The following GSE1 variants were observed in gnomAD, a reference collection of about 807,000 sequenced individuals.
The protein encoded by GSE1 is genetic suppressor element 1.
Under a neutral mutation model 112.6 loss-of-function variants are expected in GSE1, and 32 were observed. The ratio of observed to expected loss-of-function variants is 0.28; its 90% CI spans 0.21 to 0.38. The LOEUF (loss-of-function observed/expected upper bound fraction) is 0.38, where lower values mean the gene tolerates loss of function less well. Among genes scored for constraint, GSE1 ranks in the 10% least tolerant of loss-of-function variants. The probability of loss-of-function intolerance (pLI) is 1.00; values close to 1 mark genes in which losing one functional copy is unlikely to be tolerated. For missense variants in GSE1, 2,348 were observed against 1,699.2 expected (o/e 1.38, Z -6.71); for synonymous variants, 1,115 against 735.6 (o/e 1.52, Z -8.35).
intron 8 of GSE1, among the ~76,000 whole-genome samples, chr16:85,658,280 C>G (rs1399493908): frequency 6.6e-6 from 1 of 152,182 alleles, no homozygotes; most frequent in Non-Finnish European, 1.5e-5. Flanking sequence ...AAGGGCTGAG[C>G]TAAGATCCTC....
At chr16:85,553,272 A>AC (rs574734715), upstream of GSE1, among the ~76,000 whole-genome samples, 174 of 147,796 alleles carry the variant, frequency 1.2e-3, 1 homozygote, top group Middle Eastern at 0.01. Context: ...CCGGACCCCG[A>AC]CCCCGCCGCC....
intron 2 of GSE1, among the ~76,000 whole-genome samples, chr16:85,491,622 G>A (rs1255029806): frequency 6.6e-6 from 1 of 152,132 alleles, no homozygotes; most frequent in Admixed American, 6.5e-5. Flanking sequence ...GGCTCAGGCG[G>A]GGTCATGGCC....
At chr16:85,403,062 T>A (rs536102518) in intron 2 of GSE1, among the ~76,000 whole-genome samples, 2 of 148,610 alleles carry the variant, frequency 1.3e-5, no homozygotes, top group South Asian at 4.4e-4. Flanking sequence ...TGGGGAAGGA[T>A]CTACTCCCAA....
At chr16:85,313,537 T>C (rs1399274845) in intron 1 of GSE1, among the ~76,000 whole-genome samples, 1 of 151,544 alleles carries the variant, frequency 6.6e-6, no homozygotes. Flanking sequence ...ACCCCCCTGA[T>C]CCCCTTCCTG....
chr16:85,669,821 T>A (rs2053181341), intron 14 of GSE1, among the ~76,000 whole-genome samples: 1 of 152,230 alleles, frequency 6.6e-6, no homozygotes, highest in African/African-American at 2.4e-5. Flanking sequence ...CAACCAGTTG[T>A]CCTGGCAATG....
intron 3 of GSE1, among the ~76,000 whole-genome samples, chr16:85,654,069 C>G (rs377272364): frequency 1.3e-5 from 2 of 152,170 alleles, no homozygotes; most frequent in East Asian, 1.9e-4. Context: ...GCACTTCACC[C>G]CAGACCTGTC....
At chr16:85,237,620 C>T (rs1250742126) in intron 1 of GSE1, among the ~76,000 whole-genome samples, 3 of 152,056 alleles carry the variant, frequency 2.0e-5, no homozygotes, top group African/African-American at 7.2e-5. Context: ...GGGCAGATCA[C>T]GCGGTCAGGA....
At chr16:85,287,287 A>G (rs1472396233) in intron 1 of GSE1, among the ~76,000 whole-genome samples, 5 of 152,218 alleles carry the variant, frequency 3.3e-5, no homozygotes, top group Non-Finnish European at 4.4e-5. Context: ...GGGCTGACGC[A>G]TGGGGCCGGA....
chr16:85,333,203 G>C (rs750776787), intron 1 of GSE1, among the ~76,000 whole-genome samples: 2 of 152,192 alleles, frequency 1.3e-5, no homozygotes, highest in African/African-American at 2.4e-5. Context: ...GGTGGCAGGG[G>C]AGCTTCTGTC....
intron 1 of GSE1, among the ~76,000 whole-genome samples, chr16:85,274,046 G>A (rs1174057356): frequency 6.6e-6 from 1 of 151,592 alleles, no homozygotes; most frequent in Non-Finnish European, 1.5e-5. Context: ...GATAGAGGTA[G>A]TGGCTGCACA....
At chr16:85,431,666 C>G (rs1328653036) in intron 2 of GSE1, among the ~76,000 whole-genome samples, 6 of 152,172 alleles carry the variant, frequency 3.9e-5, no homozygotes, top group East Asian at 1.9e-4. Flanking sequence ...GCCTTCCGTC[C>G]TCCTTCGGAG....
At chr16:85,491,631 C>A (rs529456357) in intron 2 of GSE1, among the ~76,000 whole-genome samples, 1 of 152,154 alleles carries the variant, frequency 6.6e-6, no homozygotes, top group African/African-American at 2.4e-5. Flanking sequence ...GGGGTCATGG[C>A]CCGCCTGAGG....
At chr16:85,307,237 C>T (rs1330330843) in intron 1 of GSE1, among the ~76,000 whole-genome samples, 2 of 152,326 alleles carry the variant, frequency 1.3e-5, no homozygotes, top group Admixed American at 6.5e-5. Flanking sequence ...GGCAGGTACA[C>T]TCCGTGTCAG....
chr16:85,295,674 A>G (rs1322012709), intron 1 of GSE1, among the ~76,000 whole-genome samples: 1 of 152,204 alleles, frequency 6.6e-6, no homozygotes, highest in Non-Finnish European at 1.5e-5. Context: ...GGGGCTGTCA[A>G]AGAATTTGTG....
At chr16:85,281,787 T>C (rs1263610205) in intron 1 of GSE1, among the ~76,000 whole-genome samples, 1 of 152,174 alleles carries the variant, frequency 6.6e-6, no homozygotes, top group East Asian at 1.9e-4. Flanking sequence ...TGCACGGGGT[T>C]AGTGTTGCTT....
At chr16:85,333,975 GT>G (rs2046429380) in intron 1 of GSE1, among the ~76,000 whole-genome samples, 2 of 152,188 alleles carry the variant, frequency 1.3e-5, no homozygotes, top group Non-Finnish European at 2.9e-5. Context: ...AGATACTACT[GT>G]GACAACCAAA....
At chr16:85,431,506 G>A (rs562065219) in intron 2 of GSE1, among the ~76,000 whole-genome samples, 4 of 152,348 alleles carry the variant, frequency 2.6e-5, no homozygotes, top group Non-Finnish European at 2.9e-5. Context: ...TGCAGAGCGC[G>A]TCTCTGATCC....
At chr16:85,235,048 T>A (rs1053968438) in intron 1 of GSE1, among the ~76,000 whole-genome samples, 7 of 150,098 alleles carry the variant, frequency 4.7e-5, no homozygotes, top group Non-Finnish European at 8.9e-5. Flanking sequence ...GGACCAGACA[T>A]CTGTAGATGG....
chr16:85,473,312 G>GT (rs1203692213), intron 2 of GSE1, among the ~76,000 whole-genome samples: 1 of 152,210 alleles, frequency 6.6e-6, no homozygotes, highest in Non-Finnish European at 1.5e-5. Flanking sequence ...AACCAAGTTA[G>GT]TGCAGGGGCA....
Sources: gnomAD v4.1 joint callset for allele counts (sites outside exome capture counted in the v4.1 genomes callset) on GRCh38, gnomAD v4.1.1 for gene constraint, MANE v1.5 for transcripts, NCBI Gene and HGNC (gene_info 2026-07-23, HGNC 2026-07-21) for gene names.